ARL10: variants seen among roughly 807,000 people sequenced by gnomAD.
The protein encoded by ARL10 is ARF like GTPase 10, also known as ADP-ribosylation factor-like protein 10.
ARL10 carries 23 observed loss-of-function variants against 26.1 expected under a neutral mutation model. That is an observed-to-expected ratio of 0.88 (90% CI 0.63 to 1.25). ARL10 has a LOEUF of 1.25. Ranked by LOEUF, ARL10 falls within the 50% of genes most tolerant of loss-of-function variation. ARL10 has a pLI of 0.00. For missense variants in ARL10, 300 were observed against 323.6 expected, an observed-to-expected ratio of 0.93 and a Z score of 0.56; for synonymous variants, 138 against 149.1, an observed-to-expected ratio of 0.93 and a Z score of 0.54.
At position 176,373,491 on chromosome 5, in the gene ARL10, C is replaced by T. The variant is rs76367418; in HGVS notation, c.*1596C>T. ...GTTGAGAATAGAGATTGTGTGCCTT[C>T]ATTTCATTTGACATTTACCCAGCAT... On this transcript the variant is annotated 3_prime_UTR_variant, in exon 4 of 4. Coordinates refer to ENST00000310389, the MANE Select transcript of ARL10 (RefSeq NM_173664.6). 3,306 of 154,780 alleles carry T rather than the reference C, an allele frequency of 0.021. 41 individuals are homozygous for T. Among genetic ancestry groups the T allele is most frequent in the Non-Finnish European group, 0.032 (2,218 of 69,992 alleles). The allele number at this position is 154,780 out of a possible 1,614,324, so 9.6% of individuals were successfully genotyped here.
In ARL10 at chr5:176,375,091, T is replaced by TCCATCCAG. The variant is rs1768645887; in HGVS notation, c.*3203_*3204insGCCATCCA. ...ACAGGTGGCCTCATCCATCCATCCATCCATCCATCCATCCATCCCTCCATC... is the reference window on the plus strand; with the variant it reads ...ACAGGTGGCCTCATCCATCCATCCATCCATCCAGCCATCCATCCATCCATCCCTCCATC... On this transcript the variant is annotated 3_prime_UTR_variant, in exon 4 of 4. Transcript: ENST00000310389. 6.7e-6 allele frequency: 1 copy of TCCATCCAG among 148,334 alleles called. No individual in the cohort carries two copies. Among genetic ancestry groups the TCCATCCAG allele is most frequent in the South Asian group, 2.2e-4 (1 of 4,618 alleles). 9.2% of individuals were successfully genotyped at this position (148,334 alleles called of 1,614,324 possible).
chr5:176,385,257 T>A (rs1755744289), downstream of ARL10: 4 of 1,612,600 alleles, frequency 2.5e-6, no homozygotes, highest in Non-Finnish European at 3.4e-6. Context: ...CCATGTAGCG[T>A]ACATAGTCAA....
At chr5:176,369,217 G>A (rs1488487762) in intron 3 of ARL10, 2 of 1,505,078 alleles carry the variant, frequency 1.3e-6, no homozygotes, top group African/African-American at 2.8e-5. Flanking sequence ...CCTCCTATAT[G>A]CCAGGCATGG....
At chr5:176,395,618 G>A (rs886367580) in intron 1 of ARL10, among the ~76,000 whole-genome samples, 7 of 152,010 alleles carry the variant, frequency 4.6e-5, no homozygotes, top group South Asian at 2.1e-4. Flanking sequence ...AACTGACGTC[G>A]GCACGAGATA....
chr5:176,387,076 C>CT, intron 1 of ARL10: 1 of 292,796 alleles, frequency 3.4e-6, no homozygotes, highest in East Asian at 5.9e-5. Flanking sequence ...CTCTCTCTCT[C>CT]TCTTTTTTTT....
At chr5:176,383,000 C>T (rs1418704037), downstream of ARL10, among the ~76,000 whole-genome samples, 3 of 152,116 alleles carry the variant, frequency 2.0e-5, no homozygotes, top group African/African-American at 7.2e-5. Context: ...ACGGCTGGCT[C>T]CAGTAAGGGG....
downstream of ARL10, chr5:176,384,337 G>A: frequency 6.2e-7 from 1 of 1,614,192 alleles, no homozygotes; most frequent in South Asian, 1.1e-5. Flanking sequence ...CTGTTTTGGG[G>A]TATCTTGATA....
At chr5:176,407,038 T>G in the ARL10 span, among the ~76,000 whole-genome samples, 1 of 152,178 alleles carries the variant, frequency 6.6e-6, no homozygotes, top group Non-Finnish European at 1.5e-5. Context: ...GTGATATGAT[T>G]TACAAATAAA....
At chr5:176,371,377 C>T (rs752232257) in intron 3 of ARL10, among the ~76,000 whole-genome samples, 10 of 152,232 alleles carry the variant, frequency 6.6e-5, no homozygotes, top group East Asian at 1.9e-4. Flanking sequence ...AGCAAAACTC[C>T]GTCTCAAAAC....
In ARL10 at chr5:176,380,251, A is replaced by G. The variant is rs543265938; in HGVS notation, c.*8356A>G. ...ATTTGCGTTTTGTAAAGAATCTTTT[A>G]GGCAATTTTAGATTTGTATAATCCT... is the stretch of plus-strand genomic sequence containing the variant. On this transcript the variant is annotated 3_prime_UTR_variant, in exon 4 of 4. Coordinates refer to ENST00000310389, the MANE Select transcript of ARL10 (RefSeq NM_173664.6). 1 of 152,340 alleles carries G rather than the reference A, an allele frequency of 6.6e-6. No individual in the cohort carries two copies. The highest frequency in any genetic ancestry group is 2.4e-5 in the African/African-American group (1 of 41,580). The allele number at this position is 152,340 out of a possible 1,614,324, so 9.4% of individuals were successfully genotyped here.
chr5:176,388,769 C>T (rs749778599), downstream of ARL10: 3 of 1,593,510 alleles, frequency 1.9e-6, no homozygotes, highest in Admixed American at 1.8e-5. Flanking sequence ...TGACCTTCAC[C>T]GGGAGGCTGA....
chr5:176,367,850 GA>G (rs1330494211), intron 2 of ARL10: 17 of 498,206 alleles, frequency 3.4e-5, no homozygotes, highest in Non-Finnish European at 5.5e-5. Context: ...TTTCCTTTTT[GA>G]AATGTGTTGA....
chr5:176,369,584 A>G (rs530271170), intron 3 of ARL10, among the ~76,000 whole-genome samples: 144 of 152,186 alleles, frequency 9.5e-4, no homozygotes, highest in African/African-American at 3.3e-3. Context: ...TTGACCCTAT[A>G]AAGTATGGGA....
chr5:176,414,987 T>C, the ARL10 span, among the ~76,000 whole-genome samples: 1 of 152,240 alleles, frequency 6.6e-6, no homozygotes, highest in Non-Finnish European at 1.5e-5. Context: ...TATGTATATA[T>C]GTTAGCACTT....
chr5:176,410,265 C>T, the ARL10 span: 10 of 1,614,008 alleles, frequency 6.2e-6, no homozygotes, highest in Non-Finnish European at 8.5e-6. Flanking sequence ...ACCTGAAACA[C>T]ATCTCCATTG....
Position 176,376,834 on chromosome 5 carries a change from G to C in ARL10, c.*4939G>C, listed in dbSNP as rs1561776679. On this transcript the variant is annotated 3_prime_UTR_variant, in exon 4 of 4. Coordinates refer to ENST00000310389, the MANE Select transcript of ARL10 (RefSeq NM_173664.6). ...AGCCCTGAAGTTTTACCACAGTGTG[G>C]GTAATAGAAGAACTTGGTATTGTCT... The C allele has an allele frequency of 6.6e-6, 1 of 152,180 alleles. No individual in the cohort carries two copies. Among genetic ancestry groups the C allele is most frequent in the Non-Finnish European group, 1.5e-5 (1 of 68,042 alleles). 9.4% of individuals were successfully genotyped at this position (152,180 alleles called of 1,614,324 possible). A position where few individuals can be genotyped will look rare whatever the true frequency, so the allele number is the denominator to read the frequency against.
chr5:176,388,732 A>G, downstream of ARL10: 1 of 1,540,512 alleles, frequency 6.5e-7, no homozygotes, highest in Non-Finnish European at 8.8e-7. Context: ...TACAAGGCTC[A>G]ATTTATTCGT....
In ARL10 at chr5:176,373,005, T is replaced by C. The variant is rs1768591883; in HGVS notation, c.*1110T>C. 1 of 398,622 alleles carries C rather than the reference T, an allele frequency of 2.5e-6. No homozygotes were observed. The highest frequency in any genetic ancestry group is 2.1e-5 in the African/African-American group (1 of 48,742). 24.7% of individuals were successfully genotyped at this position (398,622 alleles called of 1,614,324 possible). The stretch of plus-strand genomic sequence containing the variant: ...GGCTTTGAGGCTGTCGTCGATATCA[T>C]AGTACTTTACATGGATTCACATGAA... On this transcript the variant is annotated 3_prime_UTR_variant, in exon 4 of 4. Coordinates refer to ENST00000310389, the MANE Select transcript of ARL10 (RefSeq NM_173664.6).
downstream of ARL10, chr5:176,386,865 A>G (rs891644671): frequency 6.2e-7 from 1 of 1,614,020 alleles, no homozygotes; most frequent in African/African-American, 1.3e-5. Flanking sequence ...GCTTCCGTAC[A>G]AGCTCTTTAG....
Sources: allele counts gnomAD v4.1 joint callset (sites outside exome capture counted in the v4.1 genomes callset), GRCh38; gene constraint gnomAD v4.1.1; transcripts MANE v1.5; gene names NCBI Gene and HGNC (gene_info 2026-07-23, HGNC 2026-07-21).